INPP4B: variants seen among roughly 807,000 people sequenced by gnomAD.
INPP4B encodes inositol polyphosphate-4-phosphatase type II B, also known as inositol polyphosphate 4-phosphatase type II.
Under a neutral mutation model 122.5 loss-of-function variants are expected in INPP4B, and 55 were observed. The ratio of observed to expected loss-of-function variants is 0.45; its 90% confidence interval spans 0.36 to 0.56. The LOEUF (loss-of-function observed/expected upper bound fraction) is 0.56, where lower values mean the gene tolerates loss of function less well. Among genes scored for constraint, INPP4B ranks in the 20% least tolerant of loss-of-function variants. The pLI, the probability that INPP4B is intolerant of heterozygous loss-of-function variation, is 0.00. For missense variants in INPP4B, 1,000 were observed against 1,097.7 expected (o/e 0.91, Z 1.26); for synonymous variants, 403 against 388.7 (o/e 1.04, Z -0.43).
intron 11 of INPP4B, among the ~76,000 whole-genome samples, chr4:142,251,446 TGAG>T (rs1185754397): frequency 2.6e-5 from 4 of 152,200 alleles, no homozygotes; most frequent in African/African-American, 7.2e-5. Context: ...AAAACAAATG[TGAG>T]GAGGACCCTT....
intron 3 of INPP4B, among the ~76,000 whole-genome samples, chr4:142,457,094 T>C (rs542840050): frequency 1.1e-4 from 17 of 152,112 alleles, no homozygotes; most frequent in African/African-American, 3.6e-4. Flanking sequence ...AATATCCATG[T>C]GCAAAAGAAC....
rs149516392 is a variant in INPP4B, at chr4:142,558,751, C to T, written c.-190-96025G>A. ...CAGAGCTTGCAGTGAGCAGAGATCA[C>T]GCCATTGCACTACAGCCTGGGCGAC... On this transcript the variant is annotated intron_variant, in intron 2 of 25. Transcript: ENST00000262992. Among the ~76,000 whole-genome samples, 43 of 133,670 alleles carry T rather than the reference C, an allele frequency of 3.2e-4. No individual in the cohort carries two copies. In the South Asian group the frequency reaches 3.3e-3, roughly 10 times the overall value. The allele number at this position is 133,670 out of a possible 152,430, so 87.7% of individuals were successfully genotyped here.
At chr4:142,283,511 AC>A (rs1157724305) in intron 9 of INPP4B, among the ~76,000 whole-genome samples, 1 of 152,144 alleles carries the variant, frequency 6.6e-6, no homozygotes, top group Non-Finnish European at 1.5e-5. Context: ...CATAGAGTGT[AC>A]TTACATAAAC....
chr4:142,772,935 A>G (rs1262038503), intron 1 of INPP4B, among the ~76,000 whole-genome samples: 2 of 152,142 alleles, frequency 1.3e-5, no homozygotes, highest in African/African-American at 4.8e-5. Context: ...AATCCCAACT[A>G]CTTGATAGGC....
intron 9 of INPP4B, among the ~76,000 whole-genome samples, chr4:142,288,573 ACT>A (rs565054208): frequency 1.2e-4 from 19 of 152,072 alleles, no homozygotes; most frequent in African/African-American, 3.9e-4. Context: ...ACAGAGCGAG[ACT>A]CTGTCTCAGG....
At chr4:142,374,484 AAT>A (rs1333700110) in intron 7 of INPP4B, among the ~76,000 whole-genome samples, 2 of 151,884 alleles carry the variant, frequency 1.3e-5, no homozygotes, top group East Asian at 3.9e-4. Context: ...CCATATTGCA[AAT>A]TTTTGAGATG....
intron 25 of INPP4B, among the ~76,000 whole-genome samples, chr4:142,062,803 A>ATGTTTTTTAT (rs562255591): frequency 0.013 from 1,909 of 152,200 alleles, 20 homozygotes; most frequent in Middle Eastern, 0.027. Context: ...AAACTTTTTT[A>ATGTTTTTTAT]GATGAATATA....
At chr4:142,094,399 C>T (rs1780922001) in intron 23 of INPP4B, among the ~76,000 whole-genome samples, 1 of 152,142 alleles carries the variant, frequency 6.6e-6, no homozygotes, top group Non-Finnish European at 1.5e-5. Context: ...CTGCATTTTA[C>T]CCCAATGATA....
At chr4:142,090,782 T>C (rs1359989341) in intron 23 of INPP4B, among the ~76,000 whole-genome samples, 2 of 152,144 alleles carry the variant, frequency 1.3e-5, no homozygotes, top group Non-Finnish European at 2.9e-5. Context: ...TTATTGTTTA[T>C]AATTTTAAAT....
intron 1 of INPP4B, among the ~76,000 whole-genome samples, chr4:142,842,529 T>TA (rs35407959): frequency 0.35 from 49,239 of 141,430 alleles, 8,821 homozygotes; most frequent in South Asian, 0.48. Context: ...ATATATTATA[T>TA]TATAATATAT....
chr4:142,357,808 C>A lies in INPP4B; in HGVS notation c.373-43046G>T, dbSNP rs541717123. 3.3e-5 allele frequency among the ~76,000 whole-genome samples: 5 copies of A among 151,960 alleles called. No individual in the cohort carries two copies. In the South Asian group the frequency reaches 1.0e-3, roughly 32 times the overall value. On this transcript the variant is annotated intron_variant, in intron 7 of 25. Coordinates refer to ENST00000262992, the MANE Select transcript of INPP4B (RefSeq NM_001101669.3). ...AATTATTTTCAAATACAGAGACAACCACAGAAAATAACATATTTGCATTAT... is the reference window on the plus strand; with the variant it reads ...AATTATTTTCAAATACAGAGACAACAACAGAAAATAACATATTTGCATTAT...
At chr4:142,352,168 C>A (rs1328956781) in intron 7 of INPP4B, among the ~76,000 whole-genome samples, 1 of 151,864 alleles carries the variant, frequency 6.6e-6, no homozygotes, top group Non-Finnish European at 1.5e-5. Flanking sequence ...TTTCTAAAGA[C>A]CGCTTTGTGT....
chr4:142,816,431 G>T (rs900566593), intron 1 of INPP4B, among the ~76,000 whole-genome samples: 1 of 151,750 alleles, frequency 6.6e-6, no homozygotes, highest in Non-Finnish European at 1.5e-5. Context: ...GAAGGAAAAA[G>T]GATCTTCCCT....
chr4:142,533,141 C>T (rs961168998), intron 2 of INPP4B, among the ~76,000 whole-genome samples: 8 of 152,200 alleles, frequency 5.3e-5, no homozygotes, highest in South Asian at 2.1e-4. Flanking sequence ...ATTTTATCTT[C>T]GGAGGTCAAA....
intron 17 of INPP4B, among the ~76,000 whole-genome samples, chr4:142,155,843 T>C (rs1332399229): frequency 6.6e-6 from 1 of 151,754 alleles, no homozygotes. Context: ...CACAGATTTT[T>C]AGGTTATCTA....
intron 10 of INPP4B, among the ~76,000 whole-genome samples, chr4:142,262,568 A>T (rs1740620423): frequency 6.6e-6 from 1 of 152,078 alleles, no homozygotes; most frequent in South Asian, 2.1e-4. Flanking sequence ...TTTTCTATAC[A>T]GCATATAGCA....
intron 7 of INPP4B, among the ~76,000 whole-genome samples, chr4:142,345,461 G>C (rs1402883610): frequency 6.6e-6 from 1 of 152,036 alleles, no homozygotes; most frequent in Non-Finnish European, 1.5e-5. Context: ...CATGCATTCA[G>C]AGAGGTATGA....
chr4:142,271,223 G>A (rs1386463909), intron 9 of INPP4B, among the ~76,000 whole-genome samples: 1 of 152,126 alleles, frequency 6.6e-6, no homozygotes, highest in African/African-American at 2.4e-5. Flanking sequence ...GATTACAGAC[G>A]TGAGCTACTG....
chr4:142,393,488 G>T (rs1798382393), intron 7 of INPP4B, among the ~76,000 whole-genome samples: 1 of 152,132 alleles, frequency 6.6e-6, no homozygotes, highest in Non-Finnish European at 1.5e-5. Flanking sequence ...TCACTCACTG[G>T]TCTACTGTTT....
Sources: allele counts gnomAD v4.1 joint callset (sites outside exome capture counted in the v4.1 genomes callset), GRCh38; gene constraint gnomAD v4.1.1; transcripts MANE v1.5; gene names NCBI Gene and HGNC (gene_info 2026-07-23, HGNC 2026-07-21).